MGAT5: variants seen among roughly 807,000 people sequenced by gnomAD.
MGAT5 encodes the protein alpha-1,6-mannosylglycoprotein 6-beta-N-acetylglucosaminyltransferase A.
MGAT5 carries 30 observed loss-of-function variants against 94.3 expected under a neutral mutation model. The observed-to-expected ratio is 0.32, with a 90% CI of 0.24 to 0.43. The LOEUF is 0.43. Ranked by LOEUF, MGAT5 falls within the 20% of genes least tolerant of loss-of-function variation. MGAT5 has a pLI of 1.00. For missense variants in MGAT5, 691 were observed against 905.5 expected (o/e 0.76, Z 3.04); for synonymous variants, 310 against 322.9 (o/e 0.96, Z 0.43).
intron 1 of MGAT5, among the ~76,000 whole-genome samples, chr2:134,137,956 A>T: frequency 6.8e-6 from 1 of 147,830 alleles, no homozygotes. Context: ...GATATTACAG[A>T]TTTGTGTTCA....
chr2:134,309,334 C>T (rs1686514652), intron 2 of MGAT5, among the ~76,000 whole-genome samples: 1 of 151,936 alleles, frequency 6.6e-6, no homozygotes, highest in Non-Finnish European at 1.5e-5. Context: ...TAGTGTAAAC[C>T]AAGGAGTAGA....
At chr2:134,316,416 C>T (rs1687001228) in intron 2 of MGAT5, among the ~76,000 whole-genome samples, 2 of 152,162 alleles carry the variant, frequency 1.3e-5, no homozygotes, top group South Asian at 4.1e-4. Context: ...GCTAAGATGT[C>T]ACTGGATGCA....
intron 7 of MGAT5, among the ~76,000 whole-genome samples, chr2:134,344,216 G>A (rs902444596): frequency 8.5e-5 from 13 of 152,164 alleles, no homozygotes; most frequent in African/African-American, 2.4e-4. Flanking sequence ...ACATCGTCAC[G>A]CTCTGAGCGC....
At chr2:134,169,205 C>G (rs1296474519) in intron 1 of MGAT5, among the ~76,000 whole-genome samples, 1 of 152,128 alleles carries the variant, frequency 6.6e-6, no homozygotes, top group Non-Finnish European at 1.5e-5. Context: ...TTATAACTTT[C>G]ATCCAAAAAA....
chr2:134,388,989 G>A (rs1360998667), intron 10 of MGAT5, among the ~76,000 whole-genome samples: 1 of 152,114 alleles, frequency 6.6e-6, no homozygotes, highest in Non-Finnish European at 1.5e-5. Context: ...TCAAACTCTT[G>A]ATCTCCAGTG....
chr2:134,252,698 T>C (rs1682691978), upstream of MGAT5, among the ~76,000 whole-genome samples: 2 of 152,202 alleles, frequency 1.3e-5, no homozygotes, highest in Non-Finnish European at 1.5e-5. Context: ...AAGAGGTAGA[T>C]AGTAAATATT....
intron 1 of MGAT5, among the ~76,000 whole-genome samples, chr2:134,203,871 T>C (rs1452933792): frequency 6.6e-6 from 1 of 152,206 alleles, no homozygotes; most frequent in African/African-American, 2.4e-5. Flanking sequence ...CACACCTCTC[T>C]GGACATTCAT....
intron 10 of MGAT5, among the ~76,000 whole-genome samples, chr2:134,395,452 G>T (rs1041170056): frequency 6.6e-6 from 1 of 152,208 alleles, no homozygotes; most frequent in Non-Finnish European, 1.5e-5. Flanking sequence ...GGTTCCACAT[G>T]GGCAGTGATG....
intron 7 of MGAT5, among the ~76,000 whole-genome samples, chr2:134,344,150 G>T (rs559587843): frequency 6.6e-6 from 1 of 152,288 alleles, no homozygotes; most frequent in East Asian, 1.9e-4. Context: ...TGAGTGGATG[G>T]CAGTAGGGTT....
chr2:134,391,632 C>A, intron 10 of MGAT5, among the ~76,000 whole-genome samples: 1 of 152,202 alleles, frequency 6.6e-6, no homozygotes, highest in East Asian at 1.9e-4. Context: ...GACCTCTTTA[C>A]TTCCCACAGG....
At chr2:134,242,290 G>A (rs947089387) in intron 1 of MGAT5, among the ~76,000 whole-genome samples, 17 of 152,192 alleles carry the variant, frequency 1.1e-4, no homozygotes, top group Non-Finnish European at 2.1e-4. Context: ...TTTTTAACCT[G>A]ATGGATCAAA....
chr2:134,338,375 G>C lies in MGAT5; in HGVS notation c.762G>C (p.Lys254Asn). ...RMADAWIQAIKSLAEKQNLEK... is the reference protein window; with the variant it reads ...RMADAWIQAINSLAEKQNLEK... ...CTGACGCATGGATCCAAGCAATCAA[G>C]TCCCTGGCAGAAAAGCAGAACCTTG... Residue 254 changes from lysine to asparagine, a missense_variant, in exon 6 of 16, where the codon AAG becomes AAC. Physicochemically the swap from Lys to Asn is moderately conservative, Grantham distance 94. Transcript: ENST00000281923. 1 of 1,612,108 alleles carries C rather than the reference G, an allele frequency of 6.2e-7. No homozygotes were observed. Among genetic ancestry groups the C allele is most frequent in the Non-Finnish European group, 8.5e-7 (1 of 1,179,196 alleles).
upstream of MGAT5, among the ~76,000 whole-genome samples, chr2:134,250,960 TCTTTCCTTTGTTTTAACTCCATAG>T (rs1682553957): frequency 6.6e-6 from 1 of 152,216 alleles, no homozygotes; most frequent in Non-Finnish European, 1.5e-5. Flanking sequence ...TAGCCCTTGA[TCTTTCCTTTGTTTTAACTCCATAG>T]CTTGAGCAGC....
At chr2:134,388,794 C>T (rs1437446802) in intron 10 of MGAT5, among the ~76,000 whole-genome samples, 1 of 151,878 alleles carries the variant, frequency 6.6e-6, no homozygotes, top group South Asian at 2.1e-4. Context: ...CGGAGTCTCG[C>T]TCTGTTGCCC....
chr2:134,276,575 CA>C (rs1367643371), intron 2 of MGAT5, among the ~76,000 whole-genome samples: 1 of 152,114 alleles, frequency 6.6e-6, no homozygotes, highest in Non-Finnish European at 1.5e-5. Context: ...ATACTTGGAG[CA>C]ATATTGAAGA....
At chr2:134,295,287 A>G (rs1174261828) in intron 2 of MGAT5, among the ~76,000 whole-genome samples, 1 of 152,174 alleles carries the variant, frequency 6.6e-6, no homozygotes, top group Non-Finnish European at 1.5e-5. Flanking sequence ...GAATATAGCC[A>G]TAATAGAACT....
chr2:134,435,326 G>T (rs2106400716), intron 14 of MGAT5, among the ~76,000 whole-genome samples: 1 of 152,244 alleles, frequency 6.6e-6, no homozygotes, highest in African/African-American at 2.4e-5. Context: ...CAAATCTTCT[G>T]ATCTAGATGT....
At chr2:134,206,291 C>A (rs1257169) in intron 1 of MGAT5, among the ~76,000 whole-genome samples, 100,240 of 152,084 alleles carry the variant, frequency 0.66, 34,809 homozygotes, top group African/African-American at 0.87. Flanking sequence ...GCATTCTATC[C>A]TGTCAAGTAT....
At chr2:134,304,687 A>G (rs560070446) in intron 2 of MGAT5, among the ~76,000 whole-genome samples, 16 of 152,330 alleles carry the variant, frequency 1.1e-4, no homozygotes, top group African/African-American at 3.6e-4. Flanking sequence ...TCTTTTCTAC[A>G]TGAAGGAATA....
Sources: allele counts gnomAD v4.1 joint callset (sites outside exome capture counted in the v4.1 genomes callset), GRCh38; gene constraint gnomAD v4.1.1; transcripts MANE v1.5; gene names NCBI Gene and HGNC (gene_info 2026-07-23, HGNC 2026-07-21).